The following MYSM1 variants were observed in gnomAD, a reference collection of about 807,000 sequenced individuals.
The protein encoded by MYSM1 is Myb like, SWIRM and MPN domains 1.
In MYSM1, 51 loss-of-function variants were observed where a neutral mutation model predicts 116.0. The observed-to-expected ratio is 0.44, with a 90% CI of 0.35 to 0.56. The LOEUF (loss-of-function observed/expected upper bound fraction) is 0.56. Among genes scored for constraint, MYSM1 ranks in the 20% least tolerant of loss-of-function variants. The pLI is 0.00. For missense variants in MYSM1, 900 were observed against 974.9 expected (o/e 0.92, Z 1.02); for synonymous variants, 313 against 315.2 (o/e 0.99, Z 0.07).
rs772710310 is a variant in MYSM1 at position 58,681,818 on chromosome 1, T to C, written c.1226A>G (p.Tyr409Cys). The C allele has an allele frequency of 6.3e-7, 1 of 1,590,036 alleles. No homozygotes were observed. The highest frequency in any genetic ancestry group is 8.5e-7 in the Non-Finnish European group (1 of 1,173,374). Residue 409 changes from tyrosine to cysteine, a missense_variant, in exon 8 of 20, where the codon TAT (tyrosine) becomes TGT (cysteine). Coordinates refer to ENST00000472487, the MANE Select transcript of MYSM1 (RefSeq NM_001085487.3). ...CAAAATATAATTTCTAATTTTCAAA[T>C]AGCGTTCTGGTGTTTTAGCTTGGCG... The part of the protein sequence containing the change: ...EGRQAKTPER[Y>C]LKIRNYILDQ...
chr1:58,695,169 T>C lies in MYSM1; in HGVS notation c.107A>G (p.His36Arg), dbSNP rs756442045. 6.2e-7 allele frequency: 1 copy of C among 1,605,720 alleles called. No individual in the cohort carries two copies. The highest frequency in any genetic ancestry group is 8.5e-7 in the Non-Finnish European group (1 of 1,172,908). The change falls in exon 2 of 20, where the codon CAC (histidine) becomes CGC (arginine). Residue 36 changes from histidine to arginine, a missense_variant. His to Arg is a conservative substitution (Grantham distance 29). Around this residue, in one of 3 missense-constraint regions of MYSM1, gnomAD observed 622 missense variants for 623.7 expected, o/e 1.00. Coordinates refer to ENST00000472487, the MANE Select transcript of MYSM1 (RefSeq NM_001085487.3). ...TGTTCTCCAAGATGAATCAAGATAGTGATCTTTTTGTAAAACTGATGCTGT... is the reference window on the plus strand; with the variant it reads ...TGTTCTCCAAGATGAATCAAGATAGCGATCTTTTTGTAAAACTGATGCTGT... ...ENTASVLQKDHYLDSSWRTEN... is the reference protein window; with the variant it reads ...ENTASVLQKDRYLDSSWRTEN...
At chr1:58,665,738 A>G in intron 16 of MYSM1, 107 bp from the exon 17 acceptor site, 1 of 787,162 alleles carries the variant, frequency 1.3e-6, no homozygotes, top group Non-Finnish European at 2.0e-6. Context: ...CAGGAACAAA[A>G]AGGTGCATTA....
chr1:58,685,390 T>C, intron 6 of MYSM1, 139 bp from the exon 7 acceptor site: 1 of 531,452 alleles, frequency 1.9e-6, no homozygotes, highest in South Asian at 3.4e-5. Flanking sequence ...AAGTCTTCTA[T>C]ATAGACTATG....
At chr1:58,678,252 C>A (rs688225) in intron 8 of MYSM1, among the ~76,000 whole-genome samples, 133,839 of 152,136 alleles carry the variant, frequency 0.88, 58,854 homozygotes, top group East Asian at 0.93. Flanking sequence ...GGGTACCACA[C>A]CTTCCATAGA....
At chr1:58,698,236 G>C (rs1262386875) in intron 1 of MYSM1, among the ~76,000 whole-genome samples, 1 of 149,408 alleles carries the variant, frequency 6.7e-6, no homozygotes, top group Non-Finnish European at 1.5e-5. Context: ...AAGTACCTGG[G>C]ACTACAGGCG....
chr1:58,690,110 T>C (rs1359632466), intron 5 of MYSM1, 116 bp downstream of exon 5: 6 of 786,010 alleles, frequency 7.6e-6, no homozygotes, highest in South Asian at 2.0e-5. Context: ...ACTGTTTTTA[T>C]ATCTACTTTA....
chr1:58,667,647 C>A (rs1039829530), intron 15 of MYSM1, among the ~76,000 whole-genome samples, 200 bp downstream of exon 15: 30 of 151,490 alleles, frequency 2.0e-4, no homozygotes, highest in African/African-American at 6.8e-4. Flanking sequence ...AATGTTCTCT[C>A]GGTGGTAAAA....
intron 17 of MYSM1, 31 bp from the exon 18 acceptor site, chr1:58,661,542 C>A (rs1186188059): frequency 2.5e-6 from 3 of 1,216,026 alleles, no homozygotes; most frequent in Non-Finnish European, 3.6e-6. Context: ...ACATTGTCAT[C>A]AACTATTTCT....
Position 58,654,865 on chromosome 1 carries a change from T to C in MYSM1, c.*5132A>G, listed in dbSNP as rs1644299114. ...TGTCACAATTAAGTATGGAGAGTTC[T>C]GTCATTTTTGAGGAAAATCTTTCAT... On this transcript the variant is annotated 3_prime_UTR_variant, in exon 20 of 20. Transcript: ENST00000472487. 6.6e-6 allele frequency: 1 copy of C among 152,328 alleles called. No individual in the cohort carries two copies. Among genetic ancestry groups the C allele is most frequent in the South Asian group, 2.1e-4 (1 of 4,832 alleles). 9.4% of individuals were successfully genotyped at this position (152,328 alleles called of 1,614,324 possible). A position where few individuals can be genotyped will look rare whatever the true frequency, so the allele number is the denominator to read the frequency against.
intron 12 of MYSM1, among the ~76,000 whole-genome samples, chr1:58,670,640 G>A (rs1003360106): frequency 6.6e-6 from 1 of 152,150 alleles, no homozygotes; most frequent in African/African-American, 2.4e-5. Context: ...CAAGACATCC[G>A]ATATGATTAT....
Position 58,695,181 on chromosome 1 carries a change from A to G in MYSM1, c.95T>C (p.Leu32Ser), listed in dbSNP as rs752369998. Reference sequence around the variant, plus strand: ...TGAATCAAGATAGTGATCTTTTTGTAAAACTGATGCTGTATTTTCACCACT... The same window carrying G: ...TGAATCAAGATAGTGATCTTTTTGTGAAACTGATGCTGTATTTTCACCACT... ...PGSGENTASV[L>S]QKDHYLDSSW... Residue 32 changes from leucine to serine, a missense_variant, in exon 2 of 20, where the codon TTA (leucine) becomes TCA (serine). Physicochemically the swap from Leu to Ser is moderately radical, Grantham distance 145 (BLOSUM62 -2). Around this residue, in one of 3 missense-constraint regions of MYSM1, gnomAD observed 622 missense variants for 623.7 expected, o/e 1.00. Transcript: ENST00000472487. 5.6e-6 allele frequency: 9 copies of G among 1,604,592 alleles called. No homozygotes were observed. Among genetic ancestry groups the G allele is most frequent in the Non-Finnish European group, 7.7e-6 (9 of 1,171,970 alleles).
At chr1:58,678,245 T>C (rs1644683603) in intron 8 of MYSM1, among the ~76,000 whole-genome samples, 1 of 152,038 alleles carries the variant, frequency 6.6e-6, no homozygotes, top group Non-Finnish European at 1.5e-5. Flanking sequence ...TGTGGGAGGG[T>C]ACCACACCTT....
At chr1:58,691,097 G>T (rs1260626278) in intron 3 of MYSM1, among the ~76,000 whole-genome samples, 1 of 151,970 alleles carries the variant, frequency 6.6e-6, no homozygotes, top group Non-Finnish European at 1.5e-5. Flanking sequence ...GGCTAACACG[G>T]TGAAACCCCA....
At chr1:58,690,022 G>A (rs752286518) in intron 5 of MYSM1, among the ~76,000 whole-genome samples, 1 of 151,886 alleles carries the variant, frequency 6.6e-6, no homozygotes, top group Admixed American at 6.6e-5. Context: ...TGCCTACATA[G>A]GGCCATGAAA....
chr1:58,671,768 A>G lies in MYSM1; in HGVS notation c.1661+102T>C, dbSNP rs946587711. ...AAAAAATTGTAGCAGTATTTTTTTA[A>G]ACTTAATGTGAACAATATAATGCAG... On this transcript the variant is annotated intron_variant, in intron 12 of 19. Coordinates refer to ENST00000472487, the MANE Select transcript of MYSM1 (RefSeq NM_001085487.3). 7 of 835,334 alleles carry G rather than the reference A, an allele frequency of 8.4e-6. No homozygotes were observed. In the Admixed American group the frequency reaches 1.6e-4, roughly 20 times the overall value. The allele number at this position is 835,334 out of a possible 1,614,324, so 51.7% of individuals were successfully genotyped here.
intron 17 of MYSM1, among the ~76,000 whole-genome samples, chr1:58,661,920 A>AAT (rs1193267481): frequency 1.1e-4 from 16 of 151,824 alleles, no homozygotes; most frequent in South Asian, 4.2e-4. Context: ...GATAATTAAA[A>AAT]ATATATATAT....
chr1:58,667,580 G>A (rs569860033), intron 15 of MYSM1, among the ~76,000 whole-genome samples: 1 of 151,218 alleles, frequency 6.6e-6, no homozygotes, highest in Admixed American at 6.6e-5. Flanking sequence ...CCTGTTTCTG[G>A]CCTCTTAGAA....
At position 58,660,150 on chromosome 1, in the gene MYSM1, C is replaced by T; in HGVS notation, c.2334G>A (p.Leu778=). ...DSDLTCLQKL[L]ECMRKTLSKV... is the part of the protein sequence containing the mutation. ...TGCTCAGAGTCTTCCTCATACACTC[C>T]AAAAGCTAGTTGAAAAGAAAAGTTT... Residue 778 remains leucine (L), a synonymous_variant, in exon 20 of 20, where the codon TTG becomes TTA. Transcript: ENST00000472487. 6.4e-7 allele frequency: 1 copy of T among 1,553,720 alleles called. No homozygotes were observed. The highest frequency in any genetic ancestry group is 8.7e-7 in the Non-Finnish European group (1 of 1,153,318).
Position 58,682,475 on chromosome 1 carries a change from T to A in MYSM1, c.569A>T (p.Asp190Val), listed in dbSNP as rs373071983. ...TGHNLQVKNE[D>V]KGTKAWTPSC... ...TGGTGTCCATGCCTTTGTCCCTTTA[T>A]CTTCATTTTTAACTTGAAGATTATG... Residue 190 changes from aspartate to valine, a missense_variant, in exon 8 of 20, where the codon GAT (aspartate) becomes GTT (valine). Physicochemically the swap from Asp to Val is radical, Grantham distance 152. Around this residue, in one of 3 missense-constraint regions of MYSM1, gnomAD observed 622 missense variants for 623.7 expected, o/e 1.00. Coordinates refer to ENST00000472487, the MANE Select transcript of MYSM1 (RefSeq NM_001085487.3). 6.2e-7 allele frequency: 1 copy of A among 1,613,962 alleles called. No individual in the cohort carries two copies. The highest frequency in any genetic ancestry group is 8.5e-7 in the Non-Finnish European group (1 of 1,179,992).
Sources: gnomAD v4.1 joint callset for allele counts (sites outside exome capture counted in the v4.1 genomes callset) on GRCh38, gnomAD v4.1.1 for gene constraint, gnomAD v4.1.1 regional missense constraint, MANE v1.5 for transcripts, NCBI Gene and HGNC (gene_info 2026-07-23, HGNC 2026-07-21) for gene names.